ERBB4: variants seen among roughly 807,000 people sequenced by gnomAD.
ERBB4 encodes receptor tyrosine-protein kinase erbB-4.
ERBB4 carries 42 observed loss-of-function variants against 158.0 expected under a neutral mutation model. That is an observed-to-expected ratio of 0.27 (90% confidence interval 0.21 to 0.34). The LOEUF is 0.34. ERBB4 is among the 10% of genes least tolerant of loss of function. ERBB4 has a pLI of 1.00. For missense variants in ERBB4, 1,333 were observed against 1,624.1 expected, an observed-to-expected ratio of 0.82 and a Z score of 3.08; for synonymous variants, 583 against 558.7, an observed-to-expected ratio of 1.04 and a Z score of -0.61.
chr2:212,078,204 T>G (rs1466906472), intron 2 of ERBB4, among the ~76,000 whole-genome samples: 2 of 152,078 alleles, frequency 1.3e-5, no homozygotes, highest in African/African-American at 4.8e-5. Flanking sequence ...AATTTAATTT[T>G]TATTTGTCCC....
intron 6 of ERBB4, 80 bp from the exon 7 acceptor site, chr2:211,722,614 G>C: frequency 7.2e-7 from 1 of 1,381,312 alleles, no homozygotes; most frequent in Non-Finnish European, 1.0e-6. Flanking sequence ...AACAGGAGAA[G>C]TTTTTTTCTA....
At chr2:212,096,653 A>G (rs1205968689) in intron 2 of ERBB4, among the ~76,000 whole-genome samples, 2 of 152,182 alleles carry the variant, frequency 1.3e-5, no homozygotes, top group East Asian at 1.9e-4. Context: ...TAAACATTTT[A>G]TTTTTGCTAG....
chr2:211,548,733 T>C (rs1216453832), intron 20 of ERBB4, among the ~76,000 whole-genome samples: 1 of 152,064 alleles, frequency 6.6e-6, no homozygotes, highest in Non-Finnish European at 1.5e-5. Flanking sequence ...GCACATTAGA[T>C]GATCTTAAAG....
At chr2:211,502,682 G>T (rs368016945) in intron 20 of ERBB4, among the ~76,000 whole-genome samples, 69 of 152,226 alleles carry the variant, frequency 4.5e-4, no homozygotes, top group African/African-American at 1.6e-3. Context: ...ATGTATAAAT[G>T]TAGAGTACAA....
chr2:211,736,934 A>C (rs997236249), intron 5 of ERBB4, among the ~76,000 whole-genome samples: 1 of 152,162 alleles, frequency 6.6e-6, no homozygotes, highest in Non-Finnish European at 1.5e-5. Context: ...AAAAATTATA[A>C]TCTCTCTGCT....
chr2:211,861,327 G>GGT, intron 3 of ERBB4, among the ~76,000 whole-genome samples: 1 of 102,168 alleles, frequency 9.8e-6, no homozygotes, highest in East Asian at 3.1e-4. Flanking sequence ...GTCCAGGCGT[G>GGT]TTTTTTTTTT....
At chr2:211,852,758 G>A (rs932155391) in intron 3 of ERBB4, among the ~76,000 whole-genome samples, 1 of 150,116 alleles carries the variant, frequency 6.7e-6, no homozygotes, top group Non-Finnish European at 1.5e-5. Context: ...TGTGGGAAAA[G>A]AAGATGTTTC....
chr2:212,118,415 T>C (rs906420276), intron 2 of ERBB4, among the ~76,000 whole-genome samples: 3 of 152,204 alleles, frequency 2.0e-5, no homozygotes, highest in Non-Finnish European at 4.4e-5. Context: ...CAGCTTTCTC[T>C]GCCTTCCTAC....
intron 25 of ERBB4, among the ~76,000 whole-genome samples, chr2:211,396,052 T>A (rs1314126572): frequency 6.6e-6 from 1 of 151,994 alleles, no homozygotes; most frequent in Non-Finnish European, 1.5e-5. Context: ...TGAATTTGAA[T>A]GCCATAACTT....
At chr2:212,500,479 T>TA (rs1690827602) in intron 1 of ERBB4, among the ~76,000 whole-genome samples, 1 of 152,128 alleles carries the variant, frequency 6.6e-6, no homozygotes, top group South Asian at 2.1e-4. Flanking sequence ...ATGACTACTA[T>TA]AGGGCTATTC....
intron 19 of ERBB4, among the ~76,000 whole-genome samples, chr2:211,609,419 C>T (rs1351683271): frequency 1.3e-5 from 2 of 152,088 alleles, no homozygotes; most frequent in Non-Finnish European, 2.9e-5. Flanking sequence ...AATATTAGAT[C>T]ACACTCTTTC....
At chr2:211,673,039 T>C in intron 14 of ERBB4, 125 bp downstream of exon 14, 1 of 790,076 alleles carries the variant, frequency 1.3e-6, no homozygotes, top group Admixed American at 1.9e-5. Context: ...TGTAGGCAGA[T>C]AAACATGTTT....
Position 211,499,769 on chromosome 2 carries a change from C to G in ERBB4, c.2487+62134G>C, listed in dbSNP as rs140153220. Reference sequence around the variant, plus strand: ...TTGCTCTTTCTAGGTGAAGATACCCCCAAAAAGTTCTATTTCTGAGACTAT... The same window carrying G: ...TTGCTCTTTCTAGGTGAAGATACCCGCAAAAAGTTCTATTTCTGAGACTAT... On this transcript the variant is annotated intron_variant, in intron 20 of 27. Coordinates refer to ENST00000342788, the MANE Select transcript of ERBB4 (RefSeq NM_005235.3). 2.6e-4 allele frequency among the ~76,000 whole-genome samples: 40 copies of G among 152,054 alleles called. No homozygotes were observed. In the East Asian group the frequency reaches 7.2e-3, roughly 27 times the overall value.
At chr2:211,488,533 C>G (rs936778473) in intron 20 of ERBB4, among the ~76,000 whole-genome samples, 5 of 151,882 alleles carry the variant, frequency 3.3e-5, no homozygotes, top group African/African-American at 4.8e-5. Context: ...AATGTGAAGC[C>G]TCTCATATGC....
At chr2:212,400,230 A>G (rs2091162595) in intron 1 of ERBB4, among the ~76,000 whole-genome samples, 1 of 152,178 alleles carries the variant, frequency 6.6e-6, no homozygotes, top group Non-Finnish European at 1.5e-5. Flanking sequence ...TTGCATTTCA[A>G]AACACTCTTG....
intron 2 of ERBB4, among the ~76,000 whole-genome samples, chr2:211,979,794 G>A (rs1460139312): frequency 2.0e-5 from 3 of 152,104 alleles, no homozygotes; most frequent in Non-Finnish European, 4.4e-5. Context: ...TTGTTTATCT[G>A]TTTACCTCTG....
intron 2 of ERBB4, among the ~76,000 whole-genome samples, chr2:212,077,451 T>C (rs1164427030): frequency 1.3e-5 from 2 of 151,966 alleles, no homozygotes; most frequent in African/African-American, 4.8e-5. Context: ...TGGAATAGTA[T>C]AAGGAACTAA....
intron 2 of ERBB4, among the ~76,000 whole-genome samples, chr2:212,002,194 T>C (rs978706742): frequency 4.6e-5 from 7 of 152,136 alleles, no homozygotes; most frequent in Non-Finnish European, 1.0e-4. Flanking sequence ...AAGACTGATA[T>C]TGGCAAAGCA....
chr2:212,306,362 C>A (rs1298376955), intron 1 of ERBB4, among the ~76,000 whole-genome samples: 1 of 151,552 alleles, frequency 6.6e-6, no homozygotes, highest in Non-Finnish European at 1.5e-5. Context: ...CAAACACAAA[C>A]CCCATCTTAG....
Sources: gnomAD v4.1 joint callset for allele counts (sites outside exome capture counted in the v4.1 genomes callset) on GRCh38, gnomAD v4.1.1 for gene constraint, MANE v1.5 for transcripts, NCBI Gene and HGNC (gene_info 2026-07-23, HGNC 2026-07-21) for gene names.